Variants in ELMO1 observed in about 807,000 individuals in gnomAD.
The protein encoded by ELMO1 is engulfment and cell motility protein 1.
In ELMO1, 26 loss-of-function variants were observed where a neutral mutation model predicts 98.9. The ratio of observed to expected loss-of-function variants is 0.26; its 90% CI spans 0.19 to 0.36. ELMO1 has a LOEUF of 0.36. Among genes scored for constraint, ELMO1 ranks in the 10% least tolerant of loss-of-function variants. ELMO1 has a pLI of 1.00. For missense variants in ELMO1, 627 were observed against 935.2 expected, an observed-to-expected ratio of 0.67 and a Z score of 4.30; for synonymous variants, 346 against 346.0, an observed-to-expected ratio of 1.00 and a Z score of 0.00.
intron 14 of ELMO1, among the ~76,000 whole-genome samples, chr7:37,127,195 G>A (rs140597582): frequency 1.3e-5 from 2 of 152,198 alleles, no homozygotes; most frequent in African/African-American, 4.8e-5. Flanking sequence ...TACCTTCCCT[G>A]GGCCCACTTA....
intron 15 of ELMO1, among the ~76,000 whole-genome samples, chr7:37,065,692 T>C (rs1317675656): frequency 1.3e-5 from 2 of 152,212 alleles, no homozygotes; most frequent in Non-Finnish European, 2.9e-5. Context: ...TTTCTCTGCA[T>C]AGGTTTTCTT....
At chr7:37,323,978 A>G (rs1415690475) in intron 2 of ELMO1, among the ~76,000 whole-genome samples, 1 of 152,140 alleles carries the variant, frequency 6.6e-6, no homozygotes, top group Non-Finnish European at 1.5e-5. Flanking sequence ...CTCAGAGTAT[A>G]TGTTCCTTTA....
chr7:37,079,493 C>T (rs1336376785), intron 15 of ELMO1, among the ~76,000 whole-genome samples: 2 of 152,184 alleles, frequency 1.3e-5, no homozygotes, highest in Admixed American at 6.5e-5. Context: ...TCCTCACAGC[C>T]ATCAGTGGCC....
intron 15 of ELMO1, among the ~76,000 whole-genome samples, chr7:37,095,208 G>A (rs1446784768): frequency 6.6e-6 from 1 of 152,234 alleles, no homozygotes; most frequent in Non-Finnish European, 1.5e-5. Flanking sequence ...ACTCCCAGAT[G>A]GTCCAGACAT....
intron 1 of ELMO1, among the ~76,000 whole-genome samples, chr7:37,420,463 C>A (rs568978481): frequency 2.7e-4 from 41 of 152,318 alleles, no homozygotes; most frequent in African/African-American, 9.6e-4. Context: ...GGGGGCTCCA[C>A]AAAATGTGGA....
intron 16 of ELMO1, among the ~76,000 whole-genome samples, chr7:36,929,678 G>GT: frequency 6.6e-6 from 1 of 152,282 alleles, no homozygotes; most frequent in Non-Finnish European, 1.5e-5. Flanking sequence ...TTTATAGAGA[G>GT]TATGTCTTAG....
Position 37,216,528 on chromosome 7 carries a change from G to A in ELMO1, c.831+117C>T, listed in dbSNP as rs535015164. On this transcript the variant is annotated intron_variant, in intron 11 of 21. Coordinates refer to ENST00000310758, the MANE Select transcript of ELMO1 (RefSeq NM_014800.11). Reference sequence around the variant, plus strand: ...TTTTTCCTTCATTAGAGTTCCTACTGCTTCACCACAGAAGGAAGTCACAGA... The same window carrying A: ...TTTTTCCTTCATTAGAGTTCCTACTACTTCACCACAGAAGGAAGTCACAGA... 1.0e-4 allele frequency: 122 copies of A among 1,192,680 alleles called. No individual in the cohort carries two copies. In the African/African-American group the frequency reaches 1.7e-3, roughly 16 times the overall value. The allele number at this position is 1,192,680 out of a possible 1,614,324, so 73.9% of individuals were successfully genotyped here. A position where few individuals can be genotyped will look rare whatever the true frequency, so the allele number is the denominator to read the frequency against.
intron 16 of ELMO1, among the ~76,000 whole-genome samples, chr7:36,929,691 T>C (rs1405048520): frequency 6.6e-6 from 1 of 152,200 alleles, no homozygotes; most frequent in Non-Finnish European, 1.5e-5. Flanking sequence ...TGTCTTAGAC[T>C]CACTGTAACA....
At chr7:36,933,364 C>G (rs1196003926) in intron 16 of ELMO1, among the ~76,000 whole-genome samples, 1 of 152,198 alleles carries the variant, frequency 6.6e-6, no homozygotes, top group Non-Finnish European at 1.5e-5. Context: ...AAGTCCAGGT[C>G]ATTTTCTAGT....
At chr7:37,395,722 T>G (rs1803270456) in intron 1 of ELMO1, among the ~76,000 whole-genome samples, 1 of 152,192 alleles carries the variant, frequency 6.6e-6, no homozygotes, top group African/African-American at 2.4e-5. Flanking sequence ...TTGTTTTGCT[T>G]TGTTAATGTA....
intron 6 of ELMO1, among the ~76,000 whole-genome samples, chr7:37,248,333 T>C (rs1795132723): frequency 6.6e-6 from 1 of 152,126 alleles, no homozygotes; most frequent in Admixed American, 6.5e-5. Context: ...GGCATTTTTT[T>C]TTTCGCCAAC....
At chr7:37,047,406 A>AGTTT (rs1795854951) in intron 15 of ELMO1, among the ~76,000 whole-genome samples, 1 of 152,272 alleles carries the variant, frequency 6.6e-6, no homozygotes, top group African/African-American at 2.4e-5. Context: ...CTGGACTGAC[A>AGTTT]TGACACCTTG....
chr7:37,217,652 G>T (rs561037090), intron 10 of ELMO1: 3 of 456,122 alleles, frequency 6.6e-6, no homozygotes, highest in Non-Finnish European at 1.3e-5. Context: ...GGGGTGGACA[G>T]GAGCAGCACA....
chr7:37,375,542 CCAGATTG>C, intron 1 of ELMO1: 1 of 1,031,152 alleles, frequency 9.7e-7, no homozygotes, highest in Non-Finnish European at 1.5e-6. Context: ...CTAAGAAGAA[CCAGATTG>C]CCATTTATAA....
At chr7:37,312,181 A>G (rs1456156415) in intron 4 of ELMO1, among the ~76,000 whole-genome samples, 1 of 152,170 alleles carries the variant, frequency 6.6e-6, no homozygotes, top group East Asian at 1.9e-4. Flanking sequence ...CAACCTCCAC[A>G]TCCCAGGTTC....
At chr7:37,165,985 C>G (rs1235826934) in intron 13 of ELMO1, among the ~76,000 whole-genome samples, 2 of 150,968 alleles carry the variant, frequency 1.3e-5, no homozygotes, top group Non-Finnish European at 3.0e-5. Context: ...TTTTGGTTGG[C>G]CAAGCTATTA....
chr7:37,045,884 C>T (rs369494339), intron 15 of ELMO1, among the ~76,000 whole-genome samples: 3 of 152,214 alleles, frequency 2.0e-5, no homozygotes, highest in African/African-American at 7.2e-5. Context: ...TAGAATTATC[C>T]CTATCTCATA....
intron 13 of ELMO1, among the ~76,000 whole-genome samples, chr7:37,188,390 T>C (rs1353657328): frequency 7.1e-6 from 1 of 141,494 alleles, no homozygotes; most frequent in Non-Finnish European, 1.5e-5. Context: ...GTGCTTAACA[T>C]ACAGACTGTG....
chr7:37,383,603 T>C (rs973436454), intron 1 of ELMO1, among the ~76,000 whole-genome samples: 5 of 152,268 alleles, frequency 3.3e-5, no homozygotes, highest in African/African-American at 1.2e-4. Context: ...TTACATATTT[T>C]GTTACATTTT....
Sources: allele counts gnomAD v4.1 joint callset (sites outside exome capture counted in the v4.1 genomes callset), GRCh38; gene constraint gnomAD v4.1.1; transcripts MANE v1.5; gene names NCBI Gene and HGNC (gene_info 2026-07-23, HGNC 2026-07-21).